NRXN3: variants seen among roughly 807,000 people sequenced by gnomAD.
NRXN3 encodes neurexin III.
Under a neutral mutation model 137.6 loss-of-function variants are expected in NRXN3, and 32 were observed. That is an observed-to-expected ratio of 0.23 (90% confidence interval 0.18 to 0.31). The LOEUF is 0.31. Among genes scored for constraint, NRXN3 ranks in the 10% least tolerant of loss-of-function variants. The probability of loss-of-function intolerance (pLI) is 1.00; values close to 1 mark genes in which losing one functional copy is unlikely to be tolerated. For synonymous variants in NRXN3, 798 were observed against 784.5 expected (o/e 1.02, Z -0.29); for missense variants, 1,574 against 2,062.5 (o/e 0.76, Z 4.59).
chr14:79,864,134 G>C lies in NRXN3; in HGVS notation c.*2170G>C, dbSNP rs1168609719. ...TCTGTAAAAGATTGCTGTTCTTGGA[G>C]TCTTGAGGTCTTGTGAATTGATTTC... On this transcript the variant is annotated 3_prime_UTR_variant, in exon 21 of 21. Transcript: ENST00000335750. 4 of 152,568 alleles carry C rather than the reference G, an allele frequency of 2.6e-5. No homozygotes were observed. In the East Asian group the frequency reaches 7.7e-4, roughly 29 times the overall value. The allele number at this position is 152,568 out of a possible 1,614,324, so 9.5% of individuals were successfully genotyped here.
chr14:79,180,177 C>A (rs1474671281), intron 15 of NRXN3, among the ~76,000 whole-genome samples: 1 of 152,116 alleles, frequency 6.6e-6, no homozygotes, highest in Non-Finnish European at 1.5e-5. Context: ...TGTGCATTAT[C>A]AGTTTAGCTC....
In NRXN3 at chr14:79,642,130, T is replaced by C. The variant is rs770030415; in HGVS notation, c.3445-21648T>C. Reference sequence around the variant, plus strand: ...TTGATGACTTTATTAAAGCAGGGTATTTACCACAAATTAGGATTCTCTGCA... The same window carrying C: ...TTGATGACTTTATTAAAGCAGGGTACTTACCACAAATTAGGATTCTCTGCA... On this transcript the variant is annotated intron_variant, in intron 16 of 20. Transcript: ENST00000335750. Among the ~76,000 whole-genome samples, 25 of 135,708 alleles carry C rather than the reference T, an allele frequency of 1.8e-4. 4 individuals are homozygous for C. Among genetic ancestry groups the C allele is most frequent in the Admixed American group, 4.7e-4 (6 of 12,868 alleles). The allele number at this position is 135,708 out of a possible 152,430, so 89.0% of individuals were successfully genotyped here. A position where few individuals can be genotyped will look rare whatever the true frequency, so the allele number is the denominator to read the frequency against.
At chr14:79,318,394 C>A (rs2089326430) in intron 15 of NRXN3, among the ~76,000 whole-genome samples, 1 of 152,162 alleles carries the variant, frequency 6.6e-6, no homozygotes, top group African/African-American at 2.4e-5. Context: ...GACCCAGAAA[C>A]AACACGGAGT....
chr14:78,475,829 AACT>A (rs2095368657), intron 4 of NRXN3, among the ~76,000 whole-genome samples: 1 of 152,194 alleles, frequency 6.6e-6, no homozygotes, highest in African/African-American at 2.4e-5. Context: ...AGAATGATAG[AACT>A]ACTGGCTTCA....
chr14:79,091,904 T>C (rs960609189), intron 15 of NRXN3, among the ~76,000 whole-genome samples: 1 of 152,180 alleles, frequency 6.6e-6, no homozygotes, highest in Non-Finnish European at 1.5e-5. Context: ...GTTATGTTTA[T>C]ATTTTTGTTG....
chr14:78,255,487 G>A (rs551867747), intron 2 of NRXN3, among the ~76,000 whole-genome samples: 1 of 152,308 alleles, frequency 6.6e-6, no homozygotes, highest in African/African-American at 2.4e-5. Context: ...ACAGATTGGG[G>A]CTATTTTTTC....
At chr14:78,220,062 G>A (rs1034204548) in intron 1 of NRXN3, among the ~76,000 whole-genome samples, 6 of 152,146 alleles carry the variant, frequency 3.9e-5, no homozygotes, top group Middle Eastern at 3.4e-3. Context: ...GATGAAGAGC[G>A]TGGGATAATG....
intron 4 of NRXN3, chr14:78,300,745 T>C: frequency 1.6e-6 from 2 of 1,223,970 alleles, no homozygotes; most frequent in South Asian, 2.6e-5. Flanking sequence ...TTTTGAAATA[T>C]TCATGCATCC....
intron 15 of NRXN3, among the ~76,000 whole-genome samples, chr14:79,411,965 G>A (rs900882896): frequency 2.0e-4 from 30 of 152,088 alleles, no homozygotes; most frequent in South Asian, 2.1e-4. Context: ...ACATCAAATG[G>A]CATGTGATTG....
chr14:78,209,183 A>C (rs545035307), intron 1 of NRXN3, among the ~76,000 whole-genome samples: 3 of 152,076 alleles, frequency 2.0e-5, no homozygotes, highest in African/African-American at 7.2e-5. Flanking sequence ...TGCTTGGGAG[A>C]TGTGGCTGGA....
intron 8 of NRXN3, among the ~76,000 whole-genome samples, chr14:78,719,786 G>C (rs1452232208): frequency 6.6e-6 from 1 of 152,162 alleles, no homozygotes; most frequent in Non-Finnish European, 1.5e-5. Context: ...AGGTTGCAGT[G>C]AGCCAAGATC....
intron 20 of NRXN3, among the ~76,000 whole-genome samples, chr14:79,833,996 C>T (rs1185875905): frequency 1.3e-5 from 2 of 152,066 alleles, no homozygotes; most frequent in African/African-American, 4.8e-5. Flanking sequence ...TGGCTGCCCT[C>T]CCAGGAAAAT....
At chr14:79,840,606 G>A (rs1815834713) in intron 20 of NRXN3, among the ~76,000 whole-genome samples, 1 of 152,134 alleles carries the variant, frequency 6.6e-6, no homozygotes, top group African/African-American at 2.4e-5. Context: ...TGCAGGACTA[G>A]ATACAGTCAC....
chr14:78,211,012 G>A (rs978012322), intron 1 of NRXN3, among the ~76,000 whole-genome samples: 1 of 151,998 alleles, frequency 6.6e-6, no homozygotes. Context: ...TGTTAAATGG[G>A]GTAATGATCA....
chr14:79,403,946 CT>C (rs1201015488), intron 15 of NRXN3, among the ~76,000 whole-genome samples: 1 of 152,154 alleles, frequency 6.6e-6, no homozygotes, highest in Non-Finnish European at 1.5e-5. Flanking sequence ...ACCCAAACAA[CT>C]AGATTGCATT....
chr14:78,633,448 C>T (rs1409393702), intron 4 of NRXN3, among the ~76,000 whole-genome samples: 1 of 152,102 alleles, frequency 6.6e-6, no homozygotes, highest in African/African-American at 2.4e-5. Flanking sequence ...AGAGAACTCT[C>T]CCTCCCCACT....
intron 2 of NRXN3, among the ~76,000 whole-genome samples, chr14:78,267,342 C>T (rs1001096589): frequency 2.6e-5 from 4 of 152,120 alleles, no homozygotes; most frequent in Non-Finnish European, 5.9e-5. Context: ...TCTCAGTGAG[C>T]CCAGCCCTCA....
intron 15 of NRXN3, among the ~76,000 whole-genome samples, chr14:79,096,316 C>T (rs1445121043): frequency 1.3e-5 from 2 of 151,940 alleles, no homozygotes; most frequent in African/African-American, 4.8e-5. Flanking sequence ...CACTGTGTTG[C>T]CCAGGCTGGT....
chr14:79,189,555 CCTTT>C (rs2063994272), intron 15 of NRXN3, among the ~76,000 whole-genome samples: 1 of 151,934 alleles, frequency 6.6e-6, no homozygotes. Context: ...AAAAAAAGTC[CCTTT>C]CTTCTTTATC....
Sources: allele counts gnomAD v4.1 joint callset (sites outside exome capture counted in the v4.1 genomes callset), GRCh38; gene constraint gnomAD v4.1.1; transcripts MANE v1.5; gene names NCBI Gene and HGNC (gene_info 2026-07-23, HGNC 2026-07-21).